COMMD10: variants seen among roughly 807,000 people sequenced by gnomAD.
The protein encoded by COMMD10 is COMM domain containing 10.
Under a neutral mutation model 28.9 loss-of-function variants are expected in COMMD10, and 33 were observed. That is an observed-to-expected ratio of 1.14 (90% CI 0.87 to 1.53). COMMD10 has a LOEUF of 1.53. Ranked by LOEUF, COMMD10 falls within the 40% of genes most tolerant of loss-of-function variation. The pLI, the probability that COMMD10 is intolerant of heterozygous loss-of-function variation, is 0.00. For synonymous variants in COMMD10, 110 were observed against 81.7 expected (o/e 1.35, Z -1.87); for missense variants, 310 against 233.4 (o/e 1.33, Z -2.14).
rs750341265 is a variant in COMMD10, at chr5:116,091,112, A to C, written c.166A>C (p.Lys56Gln). ...CAGTTTCAGTGAAGAAGAGGAAGAAAAACTTCAAGCGGCATTTTCTCTAGA... is the reference window on the plus strand; with the variant it reads ...CAGTTTCAGTGAAGAAGAGGAAGAACAACTTCAAGCGGCATTTTCTCTAGA... ...ESSFSEEEEE[K>Q]LQAAFSLEKQ... The change falls in exon 3 of 7, where the codon AAA becomes CAA. Residue 56 changes from lysine (K) to glutamine (Q), a missense_variant. Lys to Gln is a moderately conservative substitution (Grantham distance 53). Coordinates refer to ENST00000274458, the MANE Select transcript of COMMD10 (RefSeq NM_016144.4). The C allele has an allele frequency of 6.2e-7, 1 of 1,612,308 alleles. No homozygotes were observed. Among genetic ancestry groups the C allele is most frequent in the South Asian group, 1.1e-5 (1 of 90,802 alleles).
intron 5 of COMMD10, among the ~76,000 whole-genome samples, chr5:116,180,188 C>G (rs917128863): frequency 5.9e-5 from 9 of 151,932 alleles, no homozygotes; most frequent in Non-Finnish European, 1.0e-4. Context: ...CTTGGGTTAC[C>G]TCTGTACATT....
chr5:116,264,813 A>G (rs1228475977), intron 5 of COMMD10, among the ~76,000 whole-genome samples: 2 of 151,856 alleles, frequency 1.3e-5, no homozygotes, highest in South Asian at 2.1e-4. Context: ...AAGTACGGTC[A>G]GTTCTTTTAG....
At chr5:116,159,452 A>G (rs1044982309) in intron 5 of COMMD10, among the ~76,000 whole-genome samples, 2 of 152,220 alleles carry the variant, frequency 1.3e-5, no homozygotes, top group African/African-American at 4.8e-5. Context: ...TTTCCTGAAC[A>G]TACATTGCAA....
chr5:116,222,990 G>C (rs953890411), intron 5 of COMMD10, among the ~76,000 whole-genome samples: 1 of 152,018 alleles, frequency 6.6e-6, no homozygotes, highest in South Asian at 2.1e-4. Flanking sequence ...GCGCTCAGCC[G>C]CCCTTTTTAA....
chr5:116,104,428 T>C (rs1413174563), intron 4 of COMMD10, among the ~76,000 whole-genome samples: 1 of 152,178 alleles, frequency 6.6e-6, no homozygotes, highest in Admixed American at 6.5e-5. Context: ...GGGAGTTCAC[T>C]CATGATTTGT....
At chr5:116,174,710 TTG>T (rs1753444136) in intron 5 of COMMD10, among the ~76,000 whole-genome samples, 1 of 152,162 alleles carries the variant, frequency 6.6e-6, no homozygotes. Context: ...CCTGGATAAC[TTG>T]TGTCTCTCTT....
At chr5:116,195,241 C>CT (rs932862554) in intron 5 of COMMD10, among the ~76,000 whole-genome samples, 1 of 152,102 alleles carries the variant, frequency 6.6e-6, no homozygotes, top group African/African-American at 2.4e-5. Flanking sequence ...AGCATTTCCT[C>CT]TGAGAACTGG....
intron 5 of COMMD10, among the ~76,000 whole-genome samples, chr5:116,275,114 C>T (rs1750868445): frequency 6.6e-6 from 1 of 151,762 alleles, no homozygotes; most frequent in Admixed American, 6.6e-5. Context: ...TTTCACTTGC[C>T]CAAGGCAGAT....
chr5:116,172,199 T>G (rs973990850), intron 5 of COMMD10, among the ~76,000 whole-genome samples: 2 of 152,052 alleles, frequency 1.3e-5, no homozygotes, highest in Non-Finnish European at 2.9e-5. Flanking sequence ...AGCTGCTATT[T>G]TTATGGCAAG....
chr5:116,246,041 G>C (rs1337809189), intron 5 of COMMD10, among the ~76,000 whole-genome samples: 1 of 152,048 alleles, frequency 6.6e-6, no homozygotes, highest in Non-Finnish European at 1.5e-5. Context: ...GAGGAAGTCA[G>C]ACTATCCCTG....
At chr5:116,208,778 A>T (rs1245573569) in intron 5 of COMMD10, among the ~76,000 whole-genome samples, 1 of 152,020 alleles carries the variant, frequency 6.6e-6, no homozygotes, top group African/African-American at 2.4e-5. Flanking sequence ...GTTCCCTGTT[A>T]TTTTATCTTT....
chr5:116,268,961 G>C (rs1366966654), intron 5 of COMMD10, among the ~76,000 whole-genome samples: 1 of 151,574 alleles, frequency 6.6e-6, no homozygotes, highest in East Asian at 1.9e-4. Flanking sequence ...GTGGGGGGAA[G>C]GGAAAGGGAT....
At chr5:116,262,576 TTA>T (rs558913401) in intron 5 of COMMD10, among the ~76,000 whole-genome samples, 67 of 151,940 alleles carry the variant, frequency 4.4e-4, no homozygotes, top group Admixed American at 1.6e-3. Flanking sequence ...AGTACATTAA[TTA>T]TGTTTAAATG....
At chr5:116,283,532 A>G (rs2112710688) in intron 5 of COMMD10, among the ~76,000 whole-genome samples, 1 of 151,598 alleles carries the variant, frequency 6.6e-6, no homozygotes, top group African/African-American at 2.4e-5. Flanking sequence ...TTTTTAGTAG[A>G]GACAGGGTTT....
chr5:116,234,799 A>G (rs1749619162), intron 5 of COMMD10, among the ~76,000 whole-genome samples: 1 of 152,204 alleles, frequency 6.6e-6, no homozygotes, highest in Non-Finnish European at 1.5e-5. Context: ...AGGTTCTCAG[A>G]GTCTGTTTTG....
chr5:116,213,502 C>T (rs1749020962), intron 5 of COMMD10, among the ~76,000 whole-genome samples: 2 of 152,104 alleles, frequency 1.3e-5, no homozygotes, highest in Non-Finnish European at 2.9e-5. Context: ...CTGTGAAACT[C>T]CTGAAATTGT....
At chr5:116,146,472 G>C (rs1752354365) in intron 5 of COMMD10, among the ~76,000 whole-genome samples, 1 of 151,808 alleles carries the variant, frequency 6.6e-6, no homozygotes, top group African/African-American at 2.4e-5. Flanking sequence ...CTTATTTTGA[G>C]GGTATTATTG....
chr5:116,230,761 G>A (rs536500155), intron 5 of COMMD10, among the ~76,000 whole-genome samples: 21 of 152,116 alleles, frequency 1.4e-4, no homozygotes, highest in Admixed American at 4.6e-4. Flanking sequence ...TGTGATATCC[G>A]TTTCTCTTTA....
intron 5 of COMMD10, among the ~76,000 whole-genome samples, chr5:116,285,120 C>G (rs981220406): frequency 5.9e-5 from 9 of 151,834 alleles, no homozygotes. Context: ...TGCAATGACT[C>G]CAGGGTAGCT....
Sources: gnomAD v4.1 joint callset for allele counts (sites outside exome capture counted in the v4.1 genomes callset) on GRCh38, gnomAD v4.1.1 for gene constraint, MANE v1.5 for transcripts, NCBI Gene and HGNC (gene_info 2026-07-23, HGNC 2026-07-21) for gene names.